SVEP1: variants seen among roughly 807,000 people sequenced by gnomAD.
The protein encoded by SVEP1 is sushi, von Willebrand factor type A, EGF and pentraxin domain containing 1.
A neutral mutation model predicts 367.3 loss-of-function variants in SVEP1; 164 were observed. That is an observed-to-expected ratio of 0.45 (90% CI 0.39 to 0.51). The LOEUF is 0.51. Ranked by LOEUF, SVEP1 falls within the 20% of genes least tolerant of loss-of-function variation. The pLI, the probability that SVEP1 is intolerant of heterozygous loss-of-function variation, is 0.00. For synonymous variants in SVEP1, 1,666 were observed against 1,611.6 expected (o/e 1.03, Z -0.81); for missense variants, 4,117 against 4,425.3 (o/e 0.93, Z 1.98).
At chr9:110,536,058 T>C (rs942648103) in intron 3 of SVEP1, among the ~76,000 whole-genome samples, 1 of 152,042 alleles carries the variant, frequency 6.6e-6, no homozygotes, top group South Asian at 2.1e-4. Context: ...TCAAGTATTG[T>C]CCTCATTCAG....
At chr9:110,469,223 AT>A in intron 16 of SVEP1, 122 bp from the exon 17 acceptor site, 1 of 974,024 alleles carries the variant, frequency 1.0e-6, no homozygotes, top group Non-Finnish European at 1.5e-6. Context: ...TATGGGTTAA[AT>A]TTTATGGCCA....
At chr9:110,572,308 A>G (rs1247958651) in intron 1 of SVEP1, among the ~76,000 whole-genome samples, 1 of 152,216 alleles carries the variant, frequency 6.6e-6, no homozygotes, top group Non-Finnish European at 1.5e-5. Flanking sequence ...GGGAGGACAA[A>G]GCAGTTGGCT....
chr9:110,372,514 AAG>A (rs1325933767), intron 46 of SVEP1, among the ~76,000 whole-genome samples: 20 of 152,348 alleles, frequency 1.3e-4, no homozygotes, highest in Admixed American at 4.6e-4. Context: ...AAGGTGTTAA[AAG>A]AAATGCAAAT....
chr9:110,575,049 C>T (rs1830610718), intron 1 of SVEP1, among the ~76,000 whole-genome samples: 1 of 152,096 alleles, frequency 6.6e-6, no homozygotes, highest in Non-Finnish European at 1.5e-5. Flanking sequence ...CTGGCCGAGT[C>T]CAGCTGACCT....
At chr9:110,485,324 T>G (rs1829259637) in intron 9 of SVEP1, among the ~76,000 whole-genome samples, 1 of 152,076 alleles carries the variant, frequency 6.6e-6, no homozygotes, top group African/African-American at 2.4e-5. Context: ...CTCAGCAAAC[T>G]AATGCAGGAA....
At position 110,443,659 on chromosome 9, in the gene SVEP1, T is replaced by C. The variant is rs369795193; in HGVS notation, c.4525A>G (p.Arg1509Gly). The C allele has an allele frequency of 3.9e-5, 63 of 1,612,560 alleles. No individual in the cohort carries two copies. Among genetic ancestry groups the C allele is most frequent in the Non-Finnish European group, 5.2e-5 (61 of 1,179,410 alleles). Residue 1509 changes from arginine (R) to glycine (G), a missense_variant, in exon 27 of 48, where the codon AGA (arginine) becomes GGA (glycine). By Grantham distance (125) the Arg-to-Gly change is moderately radical. Transcript: ENST00000374469. ...CAAGTGATTGCAATATGATGCCATCTGCCATCATTCACCGAGGGACAGTTT... is the reference window on the plus strand; with the variant it reads ...CAAGTGATTGCAATATGATGCCATCCGCCATCATTCACCGAGGGACAGTTT... The part of the protein sequence containing the change: ...ITNCPSVNDG[R>G]WHHIAITWTS...
In SVEP1 at chr9:110,499,022, G is replaced by A; in HGVS notation, c.1681+19C>T. The A allele has an allele frequency of 6.2e-7, 1 of 1,603,142 alleles. No individual in the cohort carries two copies. On this transcript the variant is annotated intron_variant, in intron 7 of 47. Transcript: ENST00000374469. ...TATTAAAAAATTTGATTTTTAGCCT[G>A]ACTAGTGTAGAGACCTACCTTTACA...
intron 36 of SVEP1, 107 bp from the exon 37 acceptor site, chr9:110,411,842 T>A: frequency 9.5e-7 from 1 of 1,057,552 alleles, no homozygotes. Context: ...TTTAAATTTA[T>A]CTTTAAAATA....
At chr9:110,569,556 C>A (rs1480245603) in intron 1 of SVEP1, among the ~76,000 whole-genome samples, 1 of 151,860 alleles carries the variant, frequency 6.6e-6, no homozygotes, top group Non-Finnish European at 1.5e-5. Flanking sequence ...TTTATATACT[C>A]TGGCAGTAGC....
rs58339894 is a variant in SVEP1, at chr9:110,489,575, C to T, written c.1930+75G>A. On this transcript the variant is annotated intron_variant, in intron 9 of 47. Transcript: ENST00000374469. ...ATTACCTCCCACTGGGTCCTTCCCA[C>T]GACACATGGGAATTATGGGAGCCAC... 5.7e-3 allele frequency: 8,343 copies of T among 1,452,014 alleles called. 329 individuals are homozygous for T. The African/African-American group carries it at 0.096, about 17-fold the overall frequency. 89.9% of individuals were successfully genotyped at this position (1,452,014 alleles called of 1,614,324 possible).
chr9:110,543,281 A>C (rs1043287269), intron 3 of SVEP1, among the ~76,000 whole-genome samples: 1 of 152,114 alleles, frequency 6.6e-6, no homozygotes, highest in Non-Finnish European at 1.5e-5. Flanking sequence ...ATTTGTGTTG[A>C]TGCAACTCTA....
At chr9:110,412,499 C>T (rs1828058394) in intron 36 of SVEP1, among the ~76,000 whole-genome samples, 1 of 152,042 alleles carries the variant, frequency 6.6e-6, no homozygotes. Flanking sequence ...GACTTCATGT[C>T]TAAAACACCA....
chr9:110,408,433 A>G lies in SVEP1; in HGVS notation c.7167T>C (p.Phe2389=), dbSNP rs573179018. 1.9e-6 allele frequency: 3 copies of G among 1,614,008 alleles called. No individual in the cohort carries two copies. Among genetic ancestry groups the G allele is most frequent in the African/African-American group, 2.7e-5 (2 of 75,054 alleles). ...VLCTPPPLIS[F]GVPIPSSALH... is the part of the protein sequence containing the mutation. ...GAGCAGAAGAAGGAATGGGGACACC[A>G]AAGGAAATTAGGGGAGGTGGGGTAC... The change falls in exon 38 of 48, where the codon TTT becomes TTC. Residue 2389 remains phenylalanine (F), a synonymous_variant. Transcript: ENST00000374469.
intron 45 of SVEP1, 61 bp downstream of exon 45, chr9:110,377,210 T>G: frequency 6.7e-7 from 1 of 1,500,840 alleles, no homozygotes; most frequent in Non-Finnish European, 9.2e-7. Context: ...GTAACTCCCC[T>G]CAGGTGGGAG....
intron 23 of SVEP1, among the ~76,000 whole-genome samples, chr9:110,451,086 G>C (rs1346862495): frequency 6.6e-6 from 1 of 152,094 alleles, no homozygotes; most frequent in Non-Finnish European, 1.5e-5. Flanking sequence ...TGAACCATTT[G>C]AGAGTAAATT....
intron 45 of SVEP1, 133 bp from the exon 46 acceptor site, chr9:110,375,596 A>ATAAGTTTC (rs914021222): frequency 1.4e-6 from 1 of 710,814 alleles, no homozygotes; most frequent in African/African-American, 1.8e-5. Context: ...GACTCACTAA[A>ATAAGTTTC]TAAGTTTCCT....
At chr9:110,487,214 C>T (rs546642702) in intron 9 of SVEP1, among the ~76,000 whole-genome samples, 44 of 152,318 alleles carry the variant, frequency 2.9e-4, no homozygotes, top group African/African-American at 9.9e-4. Context: ...CCTTGGCCTC[C>T]CAAAGTGCTG....
At chr9:110,429,840 C>T (rs982666515) in intron 34 of SVEP1, 80 bp downstream of exon 34, 27 of 1,176,878 alleles carry the variant, frequency 2.3e-5, no homozygotes, top group Admixed American at 5.7e-5. Context: ...TATTTTCCCA[C>T]CCCCTTTCTT....
chr9:110,368,049 C>G (rs1367077470), intron 47 of SVEP1, among the ~76,000 whole-genome samples: 1 of 152,098 alleles, frequency 6.6e-6, no homozygotes, highest in Non-Finnish European at 1.5e-5. Context: ...TGCATGCCAG[C>G]CTGGGCATCT....
Sources: allele counts gnomAD v4.1 joint callset (sites outside exome capture counted in the v4.1 genomes callset), GRCh38; gene constraint gnomAD v4.1.1; transcripts MANE v1.5; gene names NCBI Gene and HGNC (gene_info 2026-07-23, HGNC 2026-07-21).